Variants in WDR74 observed in about 807,000 individuals in gnomAD.
The protein encoded by WDR74 is WD repeat-containing protein 74.
A neutral mutation model predicts 45.6 loss-of-function variants in WDR74; 31 were observed. The observed-to-expected ratio is 0.68, with a 90% confidence interval of 0.51 to 0.92. WDR74 has a LOEUF of 0.92. Among genes scored for constraint, WDR74 ranks in the 40% least tolerant of loss-of-function variants. The pLI is 0.00. For missense variants in WDR74, 455 were observed against 497.2 expected (o/e 0.92, Z 0.81); for synonymous variants, 191 against 192.4 (o/e 0.99, Z 0.06).
intron 3 of WDR74, 85 bp downstream of exon 3, chr11:62,839,029 T>G: frequency 6.4e-6 from 10 of 1,571,814 alleles, no homozygotes; most frequent in Non-Finnish European, 8.6e-6. Flanking sequence ...CACTAAGAGT[T>G]TGCCTGTCGC....
At chr11:62,841,387 A>C (rs1476580968), upstream of WDR74, among the ~76,000 whole-genome samples, 1 of 151,972 alleles carries the variant, frequency 6.6e-6, no homozygotes, top group Non-Finnish European at 1.5e-5. Flanking sequence ...AATAGTTCCA[A>C]CTACCCCAGA....
At position 62,832,961 on chromosome 11, in the gene WDR74, G is replaced by A; in HGVS notation, c.1149C>T (p.Thr383=). The A allele has an allele frequency of 1.2e-6, 2 of 1,603,844 alleles. No homozygotes were observed. Among genetic ancestry groups the A allele is most frequent in the Middle Eastern group, 1.7e-4 (1 of 5,934 alleles). The change falls in exon 11 of 11, where the codon ACC becomes ACT. Residue 383 remains threonine (T), a synonymous_variant. Coordinates refer to ENST00000278856, the MANE Select transcript of WDR74 (RefSeq NM_001369450.1). ...AGTGGGCACAGGGGCGTCAGGGGCT[G>A]GTGGACCCAGGCCGCTTCTTCTTTC... ...RRRKKKRPGS[T]SP is the part of the protein sequence containing the mutation.
chr11:62,839,656 G>T, upstream of WDR74: 2 of 1,481,596 alleles, frequency 1.3e-6, no homozygotes, highest in Non-Finnish European at 9.0e-7. Context: ...GCGCAGTGTA[G>T]TTGCTGGAAG....
rs1377083809 is a variant in WDR74 at position 62,833,789 on chromosome 11, T to TA, written c.921+2dup. On this transcript the variant is annotated splice_region_variant and intron_variant, in intron 9 of 10. Transcript: ENST00000278856. ...TGAGTTGGAGGTGGGAGAGACAACT[T>TA]ACCTTATGCTCCAGACCCCGTGGAT... 5 of 1,613,312 alleles carry TA rather than the reference T, an allele frequency of 3.1e-6. No homozygotes were observed. The highest frequency in any genetic ancestry group is 4.2e-6 in the Non-Finnish European group (5 of 1,179,610).
At chr11:62,837,713 C>A (rs543214539) in intron 3 of WDR74, among the ~76,000 whole-genome samples, 3 of 152,192 alleles carry the variant, frequency 2.0e-5, no homozygotes, top group Non-Finnish European at 4.4e-5. Context: ...GTCCCCCCCA[C>A]AGGCTTTCCA....
chr11:62,833,571 T>A, intron 10 of WDR74, 47 bp downstream of exon 10: 1 of 1,550,190 alleles, frequency 6.5e-7, no homozygotes, highest in Non-Finnish European at 8.7e-7. Context: ...AGGGAGGTCC[T>A]CACATCTATG....
chr11:62,833,226 T>C (rs1177961067), intron 10 of WDR74, 95 bp from the exon 11 acceptor site: 7 of 1,341,096 alleles, frequency 5.2e-6, no homozygotes, highest in African/African-American at 3.0e-5. Context: ...GGCAGGAGGA[T>C]TGCTTGAGCC....
intron 4 of WDR74, 21 bp downstream of exon 4, chr11:62,835,940 A>AG (rs1356412812): frequency 8.8e-6 from 14 of 1,587,578 alleles, no homozygotes; most frequent in Non-Finnish European, 8.6e-7. Flanking sequence ...TCCCCCAACC[A>AG]TCAGGGCAGG....
intron 3 of WDR74, among the ~76,000 whole-genome samples, chr11:62,838,406 C>G (rs1259727161): frequency 6.6e-6 from 1 of 151,840 alleles, no homozygotes; most frequent in Non-Finnish European, 1.5e-5. Context: ...CCACCTATCT[C>G]GGCCTTCCAA....
In WDR74 at chr11:62,832,994, C is replaced by T. The variant is rs750466721; in HGVS notation, c.1116G>A (p.Thr372=). Residue 372 remains threonine (T), a synonymous_variant, in exon 11 of 11, where the codon ACG becomes ACA. Coordinates refer to ENST00000278856, the MANE Select transcript of WDR74 (RefSeq NM_001369450.1). Reference sequence around the variant, plus strand: ...CAGGCCGCTTCTTCTTTCTCCGTCTCGTTTGGAGAGCTCCTTGGGGCTGCT... The same window carrying T: ...CAGGCCGCTTCTTCTTTCTCCGTCTTGTTTGGAGAGCTCCTTGGGGCTGCT... ...GLEQPQGALQ[T]RRRKKKRPGS... is the part of the protein sequence containing the mutation. 9 of 1,610,232 alleles carry T rather than the reference C, an allele frequency of 5.6e-6. No homozygotes were observed. The highest frequency in any genetic ancestry group is 1.7e-4 in the Middle Eastern group (1 of 6,058).
chr11:62,834,903 G>A (rs1296530510), intron 6 of WDR74: 1 of 263,140 alleles, frequency 3.8e-6, no homozygotes, highest in African/African-American at 2.2e-5. Context: ...TGTGTTTTGA[G>A]CAGAGGCATA....
At chr11:62,834,075 AT>A in intron 8 of WDR74, 138 bp from the exon 9 acceptor site, 1 of 1,434,504 alleles carries the variant, frequency 7.0e-7, no homozygotes, top group East Asian at 2.3e-5. Flanking sequence ...TAATATTTCC[AT>A]TTCGCAGGTG....
At position 62,835,538 on chromosome 11, in the gene WDR74, G is replaced by T. The variant is rs1381343429; in HGVS notation, c.517-6C>A. 2 of 1,613,872 alleles carry T rather than the reference G, an allele frequency of 1.2e-6. No individual in the cohort carries two copies. The highest frequency in any genetic ancestry group is 3.3e-5 in the Admixed American group (2 of 60,014). ...TCCAGCCAGTCATTCCGCACCTGGT[G>T]GGGTGGGCAGATGGAGGACAGGGCT... On this transcript the variant is annotated splice_region_variant and splice_polypyrimidine_tract_variant and intron_variant, in intron 5 of 10. Coordinates refer to ENST00000278856, the MANE Select transcript of WDR74 (RefSeq NM_001369450.1).
chr11:62,841,296 G>A (rs989995440), upstream of WDR74, among the ~76,000 whole-genome samples: 5 of 152,062 alleles, frequency 3.3e-5, no homozygotes, highest in Admixed American at 6.6e-5. Flanking sequence ...TAGCCTGGGC[G>A]ACAGAGCAAG....
At chr11:62,841,474 T>G (rs1259755606), upstream of WDR74, 2 of 152,168 alleles carry the variant, frequency 1.3e-5, no homozygotes, top group African/African-American at 2.4e-5. Flanking sequence ...AAACCTTCTC[T>G]CAACAAGACA....
chr11:62,838,280 G>C (rs1008683873), intron 3 of WDR74, among the ~76,000 whole-genome samples: 7 of 151,894 alleles, frequency 4.6e-5, no homozygotes, highest in African/African-American at 1.7e-4. Flanking sequence ...GGCCTCCCAA[G>C]TAGCTGGGAT....
chr11:62,841,630 C>A (rs987932409), upstream of WDR74: 1 of 152,208 alleles, frequency 6.6e-6, no homozygotes, highest in Non-Finnish European at 1.5e-5. Flanking sequence ...GAGAGTGCAC[C>A]GTTCCTGGAA....
Position 62,834,500 on chromosome 11 carries a change from G to GT in WDR74, c.645_646insA (p.Gln216ThrfsTer40). 6.2e-7 allele frequency: 1 copy of GT among 1,610,174 alleles called. No individual in the cohort carries two copies. Among genetic ancestry groups the GT allele is most frequent in the Non-Finnish European group, 8.5e-7 (1 of 1,179,422 alleles). ...GTGGTCTCTAGGACTGGCCGGCGCT[G>GT]GGGGGATGCTGGATCATAAACACGG... is the stretch of plus-strand genomic sequence containing the variant. On this transcript the variant is annotated frameshift_variant, in exon 7 of 11. Transcript: ENST00000278856. LOFTEE classifies it high-confidence loss of function.
At chr11:62,834,126 G>A (rs1280215240) in intron 8 of WDR74, 150 bp downstream of exon 8, 3 of 1,439,844 alleles carry the variant, frequency 2.1e-6, no homozygotes, top group Non-Finnish European at 2.9e-6. Context: ...ATTAGTTTAA[G>A]GTCATACAGC....
Sources: allele counts gnomAD v4.1 joint callset (sites outside exome capture counted in the v4.1 genomes callset), GRCh38; gene constraint gnomAD v4.1.1; transcripts MANE v1.5; gene names NCBI Gene and HGNC (gene_info 2026-07-23, HGNC 2026-07-21).